Variants in INTS14 observed in about 807,000 individuals in gnomAD.
The protein encoded by INTS14 is UPF0464 protein C15orf44.
In INTS14, 27 loss-of-function variants were observed where a neutral mutation model predicts 56.9. That is an observed-to-expected ratio of 0.47 (90% CI 0.35 to 0.65). The LOEUF is 0.65. Among genes scored for constraint, INTS14 ranks in the 30% least tolerant of loss-of-function variants. INTS14 has a pLI of 0.00. For missense variants in INTS14, 517 were observed against 632.2 expected (o/e 0.82, Z 1.95); for synonymous variants, 207 against 236.2 (o/e 0.88, Z 1.13).
chr15:65,610,977 G>A (rs1001711022), intron 1 of INTS14, 121 bp downstream of exon 1: 13 of 1,489,826 alleles, frequency 8.7e-6, no homozygotes, highest in Middle Eastern at 3.5e-4. Flanking sequence ...GCGCGGGGCG[G>A]CCGCCACGGT....
At chr15:65,590,717 T>C (rs999923964) in intron 9 of INTS14, among the ~76,000 whole-genome samples, 3 of 152,234 alleles carry the variant, frequency 2.0e-5, no homozygotes, top group African/African-American at 7.2e-5. Flanking sequence ...CATTCCACTT[T>C]CCACTAGACT....
At chr15:65,581,838 A>C in intron 11 of INTS14, 116 bp downstream of exon 11, 1 of 1,054,248 alleles carries the variant, frequency 9.5e-7, no homozygotes. Flanking sequence ...GTTTATTTGA[A>C]AAAACTGAGG....
intron 11 of INTS14, among the ~76,000 whole-genome samples, chr15:65,580,565 T>C (rs1162230445): frequency 2.0e-5 from 3 of 152,180 alleles, no homozygotes; most frequent in Non-Finnish European, 2.9e-5. Context: ...TAAAGCTGTT[T>C]TATTTCACCA....
chr15:65,607,068 C>T, intron 2 of INTS14, 91 bp downstream of exon 2: 2 of 1,463,426 alleles, frequency 1.4e-6, no homozygotes, highest in Non-Finnish European at 1.8e-6. Flanking sequence ...TTAAATAATG[C>T]CAAAGTTCTA....
chr15:65,606,052 G>A (rs995986759), intron 2 of INTS14, among the ~76,000 whole-genome samples: 2 of 151,388 alleles, frequency 1.3e-5, no homozygotes, highest in African/African-American at 2.4e-5. Context: ...TCAGGAGATC[G>A]AGACCATCCT....
Position 65,599,782 on chromosome 15 carries a change from A to C in INTS14, c.478T>G (p.Leu160Val). The C allele has an allele frequency of 6.2e-7, 1 of 1,613,496 alleles. No homozygotes were observed. The highest frequency in any genetic ancestry group is 1.3e-5 in the African/African-American group (1 of 74,998). Residue 160 changes from leucine to valine, a missense_variant, in exon 4 of 12, where the codon TTG (leucine) becomes GTG (valine). Physicochemically the swap from Leu to Val is conservative, Grantham distance 32. Transcript: ENST00000313182. Reference sequence around the variant, plus strand: ...TTAGCAAAAGGTATTACCTCCTCCAAATTCGCCATGCACATGATATATAAC... The same window carrying C: ...TTAGCAAAAGGTATTACCTCCTCCACATTCGCCATGCACATGATATATAAC... ...SKLYIMCMAN[L>V]EELQSTDSLE... is the part of the protein sequence containing the mutation.
At chr15:65,600,369 CTGTAA>C (rs2141304184) in intron 3 of INTS14, among the ~76,000 whole-genome samples, 1 of 152,216 alleles carries the variant, frequency 6.6e-6, no homozygotes, top group East Asian at 1.9e-4. Context: ...TGGCTCACAC[CTGTAA>C]TCCCAGCACT....
In INTS14 at chr15:65,579,175, G is replaced by C. The variant is rs1596225086; in HGVS notation, c.*233C>G. The stretch of plus-strand genomic sequence containing the variant: ...AAATGTGCCCATCATGGGAACAGCA[G>C]CTATCTTCCAAGCTTAAAAATTATG... On this transcript the variant is annotated 3_prime_UTR_variant, in exon 12 of 12. Coordinates refer to ENST00000313182, the MANE Select transcript of INTS14 (RefSeq NM_001394796.1). The C allele has an allele frequency of 9.6e-6, 5 of 520,482 alleles. No homozygotes were observed. The East Asian group carries it at 1.7e-4, about 18-fold the overall frequency. The allele number at this position is 520,482 out of a possible 1,614,324, so 32.2% of individuals were successfully genotyped here.
chr15:65,597,730 C>A (rs1286243689), intron 6 of INTS14, among the ~76,000 whole-genome samples: 1 of 152,106 alleles, frequency 6.6e-6, no homozygotes, highest in Non-Finnish European at 1.5e-5. Flanking sequence ...TAGAAGCTAG[C>A]CCTTCTTATA....
chr15:65,610,660 T>C lies in INTS14; in HGVS notation c.-63+438A>G, dbSNP rs368530159. On this transcript the variant is annotated intron_variant, in intron 1 of 11. Transcript: ENST00000313182. Reference sequence around the variant, plus strand: ...CAGCAGTCTCGCTCTCAAAGCAGGATTCTACCTGAATTTCTAGTGCCTCAC... The same window carrying C: ...CAGCAGTCTCGCTCTCAAAGCAGGACTCTACCTGAATTTCTAGTGCCTCAC... 5 of 1,534,022 alleles carry C rather than the reference T, an allele frequency of 3.3e-6. No individual in the cohort carries two copies. The African/African-American group carries it at 6.8e-5, about 21-fold the overall frequency.
intron 4 of INTS14, 69 bp from the exon 5 acceptor site, chr15:65,599,059 G>A (rs2073329965): frequency 4.5e-6 from 5 of 1,101,890 alleles, no homozygotes; most frequent in East Asian, 2.6e-5. Context: ...AGCTCACCAA[G>A]GTCAAAGCCA....
chr15:65,579,630 T>C lies in INTS14; in HGVS notation c.1335A>G (p.Leu445=), dbSNP rs1228599701. The C allele has an allele frequency of 6.2e-7, 1 of 1,614,002 alleles. No individual in the cohort carries two copies. The highest frequency in any genetic ancestry group is 1.7e-5 in the Admixed American group (1 of 60,030). Residue 445 remains leucine, a synonymous_variant, in exon 12 of 12, where the codon CTA becomes CTG. Transcript: ENST00000313182. ...TCAGCAGGTCCAGGAAACCAAAGGCTAGAGCGGCCTTTCGCAAACGGTTCA... is the reference window on the plus strand; with the variant it reads ...TCAGCAGGTCCAGGAAACCAAAGGCCAGAGCGGCCTTTCGCAAACGGTTCA... ...KELNRLRKAA[L]AFGFLDLLKG...
chr15:65,602,067 A>G (rs2073454049), intron 3 of INTS14, among the ~76,000 whole-genome samples: 1 of 151,978 alleles, frequency 6.6e-6, no homozygotes, highest in South Asian at 2.1e-4. Flanking sequence ...TACAAAAATT[A>G]GCTGGGTGTG....
chr15:65,603,904 G>A (rs566522896), intron 3 of INTS14, among the ~76,000 whole-genome samples: 3 of 152,284 alleles, frequency 2.0e-5, no homozygotes, highest in African/African-American at 7.2e-5. Flanking sequence ...GCGGACTCCT[G>A]TTGTAGACTA....
At chr15:65,583,704 A>G (rs917535750) in intron 10 of INTS14, among the ~76,000 whole-genome samples, 3 of 152,224 alleles carry the variant, frequency 2.0e-5, no homozygotes, top group African/African-American at 7.2e-5. Context: ...AATAAGAAAA[A>G]TAAACCCAAG....
chr15:65,584,065 T>C (rs2072729328), intron 10 of INTS14, among the ~76,000 whole-genome samples: 1 of 152,212 alleles, frequency 6.6e-6, no homozygotes, highest in African/African-American at 2.4e-5. Flanking sequence ...CAATAAGTGA[T>C]TTTTAAAAAC....
At chr15:65,602,053 A>C (rs2073453698) in intron 3 of INTS14, among the ~76,000 whole-genome samples, 1 of 151,912 alleles carries the variant, frequency 6.6e-6, no homozygotes, top group Non-Finnish European at 1.5e-5. Context: ...TTGTCTACTA[A>C]AAATACAAAA....
At chr15:65,590,260 C>A (rs1471127440) in intron 9 of INTS14, among the ~76,000 whole-genome samples, 1 of 152,224 alleles carries the variant, frequency 6.6e-6, no homozygotes, top group Non-Finnish European at 1.5e-5. Flanking sequence ...TCTTATCTCT[C>A]ACTTGGATTA....
At chr15:65,604,357 T>C (rs1334224802) in intron 3 of INTS14, among the ~76,000 whole-genome samples, 2 of 152,144 alleles carry the variant, frequency 1.3e-5, no homozygotes, top group East Asian at 3.9e-4. Context: ...GCTGGGATTA[T>C]AGGCATGAGC....
Sources: allele counts gnomAD v4.1 joint callset (sites outside exome capture counted in the v4.1 genomes callset), GRCh38; gene constraint gnomAD v4.1.1; transcripts MANE v1.5; gene names NCBI Gene and HGNC (gene_info 2026-07-23, HGNC 2026-07-21).